The following DAB1 variants were observed in gnomAD, a reference collection of about 807,000 sequenced individuals.
DAB1 encodes DAB adaptor protein 1.
Under a neutral mutation model 64.6 loss-of-function variants are expected in DAB1, and 15 were observed. That is an observed-to-expected ratio of 0.23 (90% CI 0.16 to 0.36). DAB1 has a LOEUF of 0.36. Among genes scored for constraint, DAB1 ranks in the 10% least tolerant of loss-of-function variants. The pLI is 1.00. For synonymous variants in DAB1, 235 were observed against 251.9 expected (o/e 0.93, Z 0.64); for missense variants, 596 against 706.7 (o/e 0.84, Z 1.78).
At chr1:58,119,123 C>T (rs556318900) in intron 5 of DAB1, among the ~76,000 whole-genome samples, 3 of 152,220 alleles carry the variant, frequency 2.0e-5, no homozygotes, top group African/African-American at 4.8e-5. Flanking sequence ...ATGTGAACTA[C>T]TATTTTAATA....
intron 4 of DAB1, among the ~76,000 whole-genome samples, chr1:58,242,349 T>G (rs1660334873): frequency 6.6e-6 from 1 of 152,106 alleles, no homozygotes; most frequent in Non-Finnish European, 1.5e-5. Flanking sequence ...GCATCTGGAT[T>G]GTTAGACCAG....
At chr1:57,682,142 A>G (rs1042873251) in intron 6 of DAB1, among the ~76,000 whole-genome samples, 7 of 152,194 alleles carry the variant, frequency 4.6e-5, no homozygotes, top group African/African-American at 1.7e-4. Context: ...GAAGGGATAG[A>G]AATATTCAGG....
intron 7 of DAB1, among the ~76,000 whole-genome samples, chr1:57,468,981 T>C (rs1384306947): frequency 1.3e-5 from 2 of 152,218 alleles, no homozygotes; most frequent in African/African-American, 2.4e-5. Flanking sequence ...ATTAAACTTA[T>C]TCACTCTGTT....
chr1:57,690,366 C>A (rs1318492917), intron 6 of DAB1, among the ~76,000 whole-genome samples: 1 of 152,098 alleles, frequency 6.6e-6, no homozygotes, highest in African/African-American at 2.4e-5. Flanking sequence ...GATCACGGGG[C>A]AGATTTCCCT....
intron 5 of DAB1, among the ~76,000 whole-genome samples, chr1:58,046,375 C>A (rs1221910001): frequency 6.6e-6 from 1 of 152,152 alleles, no homozygotes; most frequent in Non-Finnish European, 1.5e-5. Context: ...TCGTCCAAAT[C>A]ATTTACTTGG....
In DAB1 at chr1:58,168,223, G is replaced by A. The variant is rs184887759; in HGVS notation, n.310-17635C>T. Among the ~76,000 whole-genome samples the A allele has an allele frequency of 3.4e-4, 52 of 152,230 alleles. No individual in the cohort carries two copies. The East Asian group carries it at 7.5e-3, about 22-fold the overall frequency. ...TCCCCAGCTCTTCAGAGTTGGGAGC[G>A]CTGGTTTGCCTGGAAGCAGCTTCCG... On this transcript the variant is annotated intron_variant and non_coding_transcript_variant, in intron 4 of 20. Transcript: ENST00000485760.
Position 58,240,441 on chromosome 1 carries a change from AC to A in DAB1, n.310-89854del, listed in dbSNP as rs767683050. 2.6e-5 allele frequency among the ~76,000 whole-genome samples: 4 copies of A among 152,300 alleles called. No individual in the cohort carries two copies. The East Asian group carries it at 7.7e-4, about 29-fold the overall frequency. On this transcript the variant is annotated intron_variant and non_coding_transcript_variant, in intron 4 of 20. Transcript: ENST00000485760. ...GGAACACAAGCTGGAATAAATTTAG[AC>A]CTTACACAATTTCACAGCTTAGAGC...
intron 5 of DAB1, among the ~76,000 whole-genome samples, chr1:57,905,768 A>C (rs1644541419): frequency 6.6e-6 from 1 of 152,110 alleles, no homozygotes; most frequent in Admixed American, 6.6e-5. Context: ...AGAAGAAGAG[A>C]AACCAGCAAA....
intron 2 of DAB1, among the ~76,000 whole-genome samples, chr1:57,210,474 C>T (rs1665915389): frequency 6.6e-6 from 1 of 152,022 alleles, no homozygotes; most frequent in Admixed American, 6.6e-5. Flanking sequence ...TGTTGGAGGG[C>T]ACAGAAATTG....
intron 4 of DAB1, among the ~76,000 whole-genome samples, chr1:58,329,426 G>A (rs776645689): frequency 1.3e-5 from 2 of 152,086 alleles, no homozygotes; most frequent in Non-Finnish European, 2.9e-5. Flanking sequence ...ATCATTTTTA[G>A]AGCAGATAGT....
At chr1:57,779,399 C>T (rs1649962567) in intron 6 of DAB1, among the ~76,000 whole-genome samples, 1 of 152,202 alleles carries the variant, frequency 6.6e-6, no homozygotes, top group South Asian at 2.1e-4. Context: ...AGTCAGGGAC[C>T]ACCAATTCTC....
intron 3 of DAB1, among the ~76,000 whole-genome samples, chr1:58,370,883 C>T (rs577877051): frequency 1.3e-5 from 2 of 152,302 alleles, no homozygotes; most frequent in East Asian, 3.9e-4. Flanking sequence ...GCCTCCCCTG[C>T]CATGCAGAAC....
At chr1:57,786,838 C>T (rs759251643) in intron 6 of DAB1, among the ~76,000 whole-genome samples, 2 of 152,020 alleles carry the variant, frequency 1.3e-5, no homozygotes, top group African/African-American at 2.4e-5. Flanking sequence ...CCCTAACAAC[C>T]GTGGAACATG....
At chr1:57,459,301 A>G (rs1411742955) in intron 7 of DAB1, among the ~76,000 whole-genome samples, 4 of 152,198 alleles carry the variant, frequency 2.6e-5, no homozygotes, top group Non-Finnish European at 5.9e-5. Context: ...ATGGAAAACC[A>G]TCCTATCATA....
intron 2 of DAB1, among the ~76,000 whole-genome samples, chr1:57,148,320 C>A (rs554901831): frequency 6.6e-6 from 1 of 152,102 alleles, no homozygotes; most frequent in South Asian, 2.1e-4. Context: ...AAGTAGGGAG[C>A]CCAATTTAGA....
At chr1:58,287,098 T>C (rs996945310) in intron 4 of DAB1, among the ~76,000 whole-genome samples, 4 of 152,138 alleles carry the variant, frequency 2.6e-5, no homozygotes, top group Non-Finnish European at 5.9e-5. Context: ...TGTTCTCACT[T>C]GTAAGTGGGA....
At chr1:57,601,876 G>C (rs1456585450) in intron 7 of DAB1, among the ~76,000 whole-genome samples, 1 of 152,104 alleles carries the variant, frequency 6.6e-6, no homozygotes, top group East Asian at 1.9e-4. Context: ...TTTAAAAAGA[G>C]AAAAGAAAAT....
At chr1:57,563,044 C>A (rs1645071446) in intron 7 of DAB1, among the ~76,000 whole-genome samples, 1 of 152,126 alleles carries the variant, frequency 6.6e-6, no homozygotes, top group Non-Finnish European at 1.5e-5. Context: ...GCAGCCCAAT[C>A]TGGGCAGGAC....
chr1:57,005,349 A>G (rs996657225), intron 14 of DAB1, among the ~76,000 whole-genome samples: 1 of 152,218 alleles, frequency 6.6e-6, no homozygotes, highest in Non-Finnish European at 1.5e-5. Flanking sequence ...ATAAGCAGGA[A>G]GGCCTTTTCT....
Sources: gnomAD v4.1 joint callset for allele counts (sites outside exome capture counted in the v4.1 genomes callset) on GRCh38, gnomAD v4.1.1 for gene constraint, MANE v1.5 for transcripts, NCBI Gene and HGNC (gene_info 2026-07-23, HGNC 2026-07-21) for gene names.